The following RUNX1 variants were observed in gnomAD, a reference collection of about 807,000 sequenced individuals.
RUNX1 encodes runt-related transcription factor 1.
In RUNX1, 19 loss-of-function variants were observed where a neutral mutation model predicts 42.8. The observed-to-expected ratio is 0.44, with a 90% CI of 0.31 to 0.65. RUNX1 has a LOEUF of 0.65. RUNX1 is among the 30% of genes least tolerant of loss of function. The pLI, the probability that RUNX1 is intolerant of heterozygous loss-of-function variation, is 0.07. For synonymous variants in RUNX1, 271 were observed against 289.4 expected, an observed-to-expected ratio of 0.94 and a Z score of 0.64; for missense variants, 528 against 672.0, an observed-to-expected ratio of 0.79 and a Z score of 2.37.
At chr21:34,816,672 T>C (rs2056831473) in intron 7 of RUNX1, among the ~76,000 whole-genome samples, 1 of 151,946 alleles carries the variant, frequency 6.6e-6, no homozygotes, top group Admixed American at 6.6e-5. Context: ...CCCTGAAGAA[T>C]GGCAGGATTC....
chr21:34,823,212 T>A (rs2056934631), intron 7 of RUNX1, among the ~76,000 whole-genome samples: 1 of 152,220 alleles, frequency 6.6e-6, no homozygotes, highest in Non-Finnish European at 1.5e-5. Context: ...CTCACAGATC[T>A]TCCCTAGGGA....
In RUNX1 at chr21:34,907,621, T is replaced by TCCTGA. The variant is rs55780102; in HGVS notation, c.59-14659_59-14658insTCAGG. Among the ~76,000 whole-genome samples, 11,217 of 152,264 alleles carry TCCTGA rather than the reference T, an allele frequency of 0.074. 487 individuals carry two copies. The highest frequency in any genetic ancestry group is 0.13 in the East Asian group (685 of 5,170). ...GGCTCCCTGTGACTCTCTGAAGTTC[T>TCCTGA]CCTTTCTGTGCCTCCGCTTCCACCT... is the stretch of plus-strand genomic sequence containing the variant. On this transcript the variant is annotated intron_variant, in intron 2 of 8. Coordinates refer to ENST00000675419, the MANE Select transcript of RUNX1 (RefSeq NM_001754.5). The surrounding 1 kb of genome is among the most constrained non-coding windows in gnomAD (Gnocchi z 5.3).
chr21:34,903,444 C>T (rs1033210573), intron 2 of RUNX1, among the ~76,000 whole-genome samples: 1 of 152,110 alleles, frequency 6.6e-6, no homozygotes, highest in African/African-American at 2.4e-5. Flanking sequence ...TATTTATGAT[C>T]CCATATAGAC....
chr21:34,870,198 G>A (rs2057717551), intron 5 of RUNX1, among the ~76,000 whole-genome samples: 2 of 152,196 alleles, frequency 1.3e-5, no homozygotes, highest in South Asian at 4.1e-4. Context: ...GGTTGTTGTT[G>A]CTGTTTGCTG....
At chr21:34,820,262 G>T (rs1021111973) in intron 7 of RUNX1, among the ~76,000 whole-genome samples, 7 of 152,036 alleles carry the variant, frequency 4.6e-5, no homozygotes, top group Non-Finnish European at 1.0e-4. Context: ...TAGAATGGGC[G>T]TGGCTTTGAG....
chr21:34,839,324 C>A (rs1359843634), intron 6 of RUNX1, among the ~76,000 whole-genome samples: 1 of 150,424 alleles, frequency 6.6e-6, no homozygotes, highest in Non-Finnish European at 1.5e-5. Flanking sequence ...TATGTACACT[C>A]AGTGCACCTA....
rs1394504714 is a variant in RUNX1, at chr21:34,792,623, C to A, written c.968-13G>T. The A allele has an allele frequency of 1.3e-6, 2 of 1,571,930 alleles. No homozygotes were observed. Among genetic ancestry groups the A allele is most frequent in the South Asian group, 1.2e-5 (1 of 85,636 alleles). Reference sequence around the variant, plus strand: ...AGGTCGGGTGCCGCTGCAGGGCGGGCAAGAGAACGGAGCGGAAGTGAGTAG... The same window carrying A: ...AGGTCGGGTGCCGCTGCAGGGCGGGAAAGAGAACGGAGCGGAAGTGAGTAG... On this transcript the variant is annotated splice_polypyrimidine_tract_variant and intron_variant, in intron 8 of 8. Coordinates refer to ENST00000675419, the MANE Select transcript of RUNX1 (RefSeq NM_001754.5). This position sits in a 1 kb window ranked among gnomAD's most constrained non-coding sequence, Gnocchi z 6.9.
chr21:34,967,835 G>C (rs977880748), intron 2 of RUNX1, among the ~76,000 whole-genome samples: 5 of 152,178 alleles, frequency 3.3e-5, no homozygotes, highest in Admixed American at 2.6e-4. Context: ...CCATCGAAGG[G>C]AGTGGCAATT....
intron 2 of RUNX1, among the ~76,000 whole-genome samples, chr21:34,931,364 A>G (rs1326401276): frequency 2.7e-5 from 4 of 146,798 alleles, no homozygotes; most frequent in African/African-American, 7.5e-5. Flanking sequence ...GTGTATATAT[A>G]TGTGTATATA....
chr21:34,859,042 A>G (rs1338387872), intron 6 of RUNX1, among the ~76,000 whole-genome samples: 1 of 152,214 alleles, frequency 6.6e-6, no homozygotes, highest in African/African-American at 2.4e-5. Flanking sequence ...TCTGGCCCTC[A>G]TGAATTAATA....
chr21:34,895,062 G>A (rs948722650), intron 2 of RUNX1, among the ~76,000 whole-genome samples: 2 of 151,864 alleles, frequency 1.3e-5, no homozygotes, highest in African/African-American at 4.8e-5. Flanking sequence ...TATCCCCCCC[G>A]TCTCAGGGTC....
intron 3 of RUNX1, among the ~76,000 whole-genome samples, chr21:34,892,416 C>A (rs1055954058): frequency 2.6e-5 from 4 of 152,188 alleles, no homozygotes; most frequent in Non-Finnish European, 5.9e-5. Flanking sequence ...CTTCCTCCAT[C>A]TGAATGTTTC....
At chr21:35,025,831 G>C (rs1320808805) in intron 2 of RUNX1, among the ~76,000 whole-genome samples, 1 of 152,056 alleles carries the variant, frequency 6.6e-6, no homozygotes, top group Non-Finnish European at 1.5e-5. Flanking sequence ...GGGAGGAAAA[G>C]GGAAACTCAT....
chr21:34,847,699 G>A (rs2146158323), intron 6 of RUNX1, among the ~76,000 whole-genome samples: 1 of 152,236 alleles, frequency 6.6e-6, no homozygotes, highest in Admixed American at 6.5e-5. Context: ...TTCATGTTAA[G>A]AAGCAGAACT....
intron 2 of RUNX1, among the ~76,000 whole-genome samples, chr21:35,001,717 G>T (rs534697921): frequency 6.6e-6 from 1 of 152,118 alleles, no homozygotes; most frequent in Non-Finnish European, 1.5e-5. Context: ...TCTCTTTACA[G>T]ATGCCATGAT....
At chr21:34,963,200 T>G (rs1286857892) in intron 2 of RUNX1, among the ~76,000 whole-genome samples, 1 of 152,156 alleles carries the variant, frequency 6.6e-6, no homozygotes, top group Non-Finnish European at 1.5e-5. Flanking sequence ...AGCACACTCT[T>G]TGGTTTCCAA....
chr21:34,817,956 G>T (rs1471691191), intron 7 of RUNX1, among the ~76,000 whole-genome samples: 2 of 152,234 alleles, frequency 1.3e-5, no homozygotes, highest in East Asian at 3.9e-4. Flanking sequence ...TGCTCTGTCT[G>T]CTCTGATCAC....
chr21:34,914,058 G>C (rs2058293207), intron 2 of RUNX1, among the ~76,000 whole-genome samples: 1 of 152,148 alleles, frequency 6.6e-6, no homozygotes, highest in Non-Finnish European at 1.5e-5. Context: ...AGTCACTCAG[G>C]CTATGCCGAG....
chr21:34,962,868 A>G (rs1037287368), intron 2 of RUNX1, among the ~76,000 whole-genome samples: 28 of 152,338 alleles, frequency 1.8e-4, no homozygotes, highest in Admixed American at 5.2e-4. Flanking sequence ...GAGTTTGGCT[A>G]TGGGAATAAA....
Sources: gnomAD v4.1 joint callset for allele counts (sites outside exome capture counted in the v4.1 genomes callset) on GRCh38, gnomAD v4.1.1 for gene constraint, Gnocchi (gnomAD v3.1) non-coding constraint, MANE v1.5 for transcripts, NCBI Gene and HGNC (gene_info 2026-07-23, HGNC 2026-07-21) for gene names.